The following WASF1 variants were observed in gnomAD, a reference collection of about 807,000 sequenced individuals.
The protein encoded by WASF1 is WASP family member 1, also known as actin-binding protein WASF1.
WASF1 carries 7 observed loss-of-function variants against 50.5 expected under a neutral mutation model. The ratio of observed to expected loss-of-function variants is 0.14; its 90% CI spans 0.08 to 0.26. WASF1 has a LOEUF of 0.26. WASF1 is among the 10% of genes least tolerant of loss of function. The pLI is 1.00. For synonymous variants in WASF1, 205 were observed against 244.0 expected (o/e 0.84, Z 1.49); for missense variants, 470 against 694.7 (o/e 0.68, Z 3.64).
chr6:110,129,069 A>C (rs1039258402), intron 3 of WASF1, among the ~76,000 whole-genome samples: 9 of 151,848 alleles, frequency 5.9e-5, no homozygotes, highest in Non-Finnish European at 8.8e-5. Context: ...CTGCTGCTCT[A>C]GTCTACAAAT....
At chr6:110,167,158 G>GA (rs11435062) in intron 2 of WASF1, among the ~76,000 whole-genome samples, 30,751 of 149,714 alleles carry the variant, frequency 0.21, 4,302 homozygotes, top group African/African-American at 0.4. Context: ...GGTGATACTG[G>GA]AAAAAAAAAC....
chr6:110,120,232 A>G (rs1005949426), intron 4 of WASF1, among the ~76,000 whole-genome samples: 14 of 152,182 alleles, frequency 9.2e-5, no homozygotes, highest in African/African-American at 2.9e-4. Context: ...TCAATTAGGA[A>G]AAGGGGAAGT....
intron 3 of WASF1, among the ~76,000 whole-genome samples, chr6:110,139,122 C>T (rs1331878526): frequency 2.0e-5 from 3 of 152,222 alleles, no homozygotes; most frequent in East Asian, 3.8e-4. Flanking sequence ...GCCTTGAGCA[C>T]ACACACACCT....
chr6:110,135,536 C>T (rs1019012948), intron 3 of WASF1, among the ~76,000 whole-genome samples: 3 of 151,948 alleles, frequency 2.0e-5, no homozygotes, highest in African/African-American at 4.8e-5. Flanking sequence ...CAACCCTGCA[C>T]CCTTGGAATT....
chr6:110,165,271 T>C (rs1371389856), intron 2 of WASF1, among the ~76,000 whole-genome samples: 3 of 151,704 alleles, frequency 2.0e-5, no homozygotes, highest in Non-Finnish European at 4.4e-5. Flanking sequence ...GCTATACATA[T>C]GTGGGGTCAG....
At position 110,108,563 on chromosome 6, in the gene WASF1, T is replaced by A; in HGVS notation, c.387A>T (p.Glu129Asp). 6.2e-7 allele frequency: 1 copy of A among 1,614,048 alleles called. No homozygotes were observed. The highest frequency in any genetic ancestry group is 8.5e-7 in the Non-Finnish European group (1 of 1,179,950). The change falls in exon 6 of 11, where the codon GAA becomes GAT. Residue 129 changes from glutamate (E) to aspartate (D), a missense_variant. Transcript: ENST00000392589. ...IPLQETYDVC[E>D]QPPPLNILTP... The stretch of plus-strand genomic sequence containing the variant: ...TGAGTATATTGAGAGGTGGAGGCTG[T>A]TCACAAACATCGTACGTCTCCTGTA...
At chr6:110,161,517 A>T (rs1480227127) in intron 2 of WASF1, among the ~76,000 whole-genome samples, 1 of 151,570 alleles carries the variant, frequency 6.6e-6, no homozygotes, top group Non-Finnish European at 1.5e-5. Context: ...TTATTTTACC[A>T]GATTAAACTT....
intron 3 of WASF1, among the ~76,000 whole-genome samples, chr6:110,132,479 T>C (rs1774724114): frequency 6.6e-6 from 1 of 151,864 alleles, no homozygotes; most frequent in African/African-American, 2.4e-5. Context: ...AATACGGTTT[T>C]TTTTGTGGTT....
At chr6:110,164,303 A>G (rs192908397) in intron 2 of WASF1, among the ~76,000 whole-genome samples, 4 of 151,806 alleles carry the variant, frequency 2.6e-5, no homozygotes, top group Admixed American at 6.6e-5. Context: ...GCAAAAGACT[A>G]ATAAAAGACT....
In WASF1 at chr6:110,105,599, ACAAAGT is replaced by A; in HGVS notation, c.541-26_541-21del. On this transcript the variant is annotated intron_variant, in intron 7 of 10. Coordinates refer to ENST00000392589, the MANE Select transcript of WASF1 (RefSeq NM_003931.3). ...TTTCTGCTATAACAGATGTATTGAA[ACAAAGT>A]CAAATGCTTAAGCGCTAATTTTTAA... 1 of 1,607,376 alleles carries A rather than the reference ACAAAGT, an allele frequency of 6.2e-7. No individual in the cohort carries two copies. Among genetic ancestry groups the A allele is most frequent in the South Asian group, 1.1e-5 (1 of 89,964 alleles).
chr6:110,141,051 T>A (rs1232026040), intron 3 of WASF1, among the ~76,000 whole-genome samples: 1 of 152,110 alleles, frequency 6.6e-6, no homozygotes, highest in African/African-American at 2.4e-5. Context: ...TTTTCTGGAA[T>A]TTTCCATTTA....
intron 2 of WASF1, among the ~76,000 whole-genome samples, chr6:110,161,066 C>T (rs1776244069): frequency 6.6e-6 from 1 of 151,472 alleles, no homozygotes; most frequent in African/African-American, 2.4e-5. Flanking sequence ...AAATCTTTAG[C>T]TGTTAAAACT....
At chr6:110,152,592 G>A (rs1775871560) in intron 3 of WASF1, among the ~76,000 whole-genome samples, 1 of 152,132 alleles carries the variant, frequency 6.6e-6, no homozygotes. Context: ...ACTTGAATGA[G>A]CTTGCAAGGT....
chr6:110,120,941 A>G (rs1774088984), intron 4 of WASF1, among the ~76,000 whole-genome samples: 1 of 152,202 alleles, frequency 6.6e-6, no homozygotes, highest in African/African-American at 2.4e-5. Flanking sequence ...TGGGGAAAGG[A>G]TTCCCTATTT....
At chr6:110,114,415 T>C (rs1583935583) in intron 4 of WASF1, among the ~76,000 whole-genome samples, 1 of 151,944 alleles carries the variant, frequency 6.6e-6, no homozygotes. Flanking sequence ...AGGGCAATTA[T>C]AAAAAAAGAA....
At chr6:110,111,721 C>G (rs572324744) in intron 5 of WASF1, among the ~76,000 whole-genome samples, 80 of 152,194 alleles carry the variant, frequency 5.3e-4, no homozygotes, top group African/African-American at 1.9e-3. Flanking sequence ...ACAGACAAAT[C>G]CATAGAGGCA....
rs1055270335 is a variant in WASF1 at position 110,116,840 on chromosome 6, C to A, written c.134-3380G>T. Among the ~76,000 whole-genome samples the A allele has an allele frequency of 2.0e-5, 3 of 152,124 alleles. No homozygotes were observed. In the South Asian group the frequency reaches 6.2e-4, roughly 32 times the overall value. ...TGAAGCTTCCAGAGGAAGGATCAGG[C>A]AGCAATATTTGCTGTTCTGCAGCCT... On this transcript the variant is annotated intron_variant, in intron 4 of 10. Coordinates refer to ENST00000392589, the MANE Select transcript of WASF1 (RefSeq NM_003931.3).
intron 4 of WASF1, among the ~76,000 whole-genome samples, chr6:110,121,320 G>A (rs1030427530): frequency 6.6e-6 from 1 of 151,836 alleles, no homozygotes; most frequent in African/African-American, 2.4e-5. Context: ...AATCTACAAA[G>A]AACTTAAACA....
At chr6:110,142,333 A>C (rs1236627656) in intron 3 of WASF1, among the ~76,000 whole-genome samples, 1 of 152,236 alleles carries the variant, frequency 6.6e-6, no homozygotes, top group Non-Finnish European at 1.5e-5. Flanking sequence ...ATTGTGATTA[A>C]AATAGTGCCT....
Sources: gnomAD v4.1 joint callset for allele counts (sites outside exome capture counted in the v4.1 genomes callset) on GRCh38, gnomAD v4.1.1 for gene constraint, MANE v1.5 for transcripts, NCBI Gene and HGNC (gene_info 2026-07-23, HGNC 2026-07-21) for gene names.